The following CBLB variants were observed in gnomAD, a reference collection of about 807,000 sequenced individuals.
CBLB encodes the protein E3 ubiquitin-protein ligase CBL-B.
In CBLB, 31 loss-of-function variants were observed where a neutral mutation model predicts 104.9. The observed-to-expected ratio is 0.30, with a 90% CI of 0.22 to 0.40. The LOEUF is 0.40. Ranked by LOEUF, CBLB falls within the 10% of genes least tolerant of loss-of-function variation. The pLI, the probability that CBLB is intolerant of heterozygous loss-of-function variation, is 1.00. For missense variants in CBLB, 1,062 were observed against 1,214.6 expected (o/e 0.87, Z 1.87); for synonymous variants, 440 against 422.6 (o/e 1.04, Z -0.51).
At chr3:105,785,225 A>T (rs2080836259) in intron 3 of CBLB, among the ~76,000 whole-genome samples, 1 of 152,240 alleles carries the variant, frequency 6.6e-6, no homozygotes, top group Non-Finnish European at 1.5e-5. Context: ...AAATATTTTT[A>T]AACTATAAGG....
intron 3 of CBLB, among the ~76,000 whole-genome samples, chr3:105,783,748 G>A (rs2080589078): frequency 6.6e-6 from 1 of 152,158 alleles, no homozygotes; most frequent in Non-Finnish European, 1.5e-5. Flanking sequence ...CCAGGGTGAT[G>A]CAGTTCTGGC....
chr3:105,740,570 C>A lies in CBLB; in HGVS notation c.907G>T (p.Asp303Tyr). 1 of 1,613,896 alleles carries A rather than the reference C, an allele frequency of 6.2e-7. No individual in the cohort carries two copies. The highest frequency in any genetic ancestry group is 8.5e-7 in the Non-Finnish European group (1 of 1,179,830). ...GGTATGGTCTGTAAGATATTCCCAT[C>A]CCCAGTCACATAGCCAATGGCCCAC... ...GQWAIGYVTG[D>Y]GNILQTIPHN... Residue 303 changes from aspartate to tyrosine, a missense_variant, in exon 7 of 19, where the codon GAT (aspartate) becomes TAT (tyrosine). Coordinates refer to ENST00000394030, the MANE Select transcript of CBLB (RefSeq NM_170662.5).
intron 2 of CBLB, among the ~76,000 whole-genome samples, chr3:105,859,255 A>G (rs375510815): frequency 5.9e-5 from 9 of 152,364 alleles, no homozygotes; most frequent in African/African-American, 2.2e-4. Context: ...TGCCTATACT[A>G]TAAGACTTTC....
chr3:105,703,302 C>A (rs1443106), intron 11 of CBLB, among the ~76,000 whole-genome samples: 38,407 of 152,012 alleles, frequency 0.25, 5,087 homozygotes, highest in Non-Finnish European at 0.28. Flanking sequence ...ACAGGAAAAT[C>A]AAACACTACT....
At chr3:105,686,974 A>G (rs1055599654) in intron 13 of CBLB, among the ~76,000 whole-genome samples, 2 of 152,134 alleles carry the variant, frequency 1.3e-5, no homozygotes, top group Non-Finnish European at 2.9e-5. Context: ...AGTTAAGTAT[A>G]TGGGCTGCAA....
intron 3 of CBLB, among the ~76,000 whole-genome samples, chr3:105,812,783 A>G (rs2084486443): frequency 2.0e-5 from 3 of 152,180 alleles, no homozygotes; most frequent in Admixed American, 2.0e-4. Flanking sequence ...TCCTATTTCT[A>G]TATTAATTTT....
chr3:105,798,473 G>T (rs1560289132), intron 3 of CBLB, among the ~76,000 whole-genome samples: 1 of 152,162 alleles, frequency 6.6e-6, no homozygotes, highest in Non-Finnish European at 1.5e-5. Context: ...GATTAGAAAT[G>T]TTGGCACGTT....
intron 12 of CBLB, among the ~76,000 whole-genome samples, chr3:105,701,739 G>C (rs1335252975): frequency 6.7e-6 from 1 of 150,080 alleles, no homozygotes; most frequent in South Asian, 2.1e-4. Flanking sequence ...CTCCAGCCTG[G>C]GGGGCAAGAG....
At chr3:105,847,351 T>C (rs757513205) in intron 3 of CBLB, among the ~76,000 whole-genome samples, 1 of 151,542 alleles carries the variant, frequency 6.6e-6, no homozygotes, top group Non-Finnish European at 1.5e-5. Context: ...AATTTTTCTA[T>C]GTCAAATACT....
At chr3:105,743,474 A>G (rs971562174) in intron 6 of CBLB, among the ~76,000 whole-genome samples, 1 of 150,456 alleles carries the variant, frequency 6.6e-6, no homozygotes, top group Non-Finnish European at 1.5e-5. Flanking sequence ...AAAAAAAAAA[A>G]TTAAAAAAAA....
At chr3:105,827,866 T>C (rs954865007) in intron 3 of CBLB, among the ~76,000 whole-genome samples, 5 of 152,196 alleles carry the variant, frequency 3.3e-5, no homozygotes, top group African/African-American at 9.6e-5. Flanking sequence ...TTATTTCACA[T>C]GAAAATGCCT....
rs546025213 is a variant in CBLB at position 105,808,522 on chromosome 3, A to G, written c.420-31980T>C. Among the ~76,000 whole-genome samples the G allele has an allele frequency of 2.6e-5, 4 of 152,250 alleles. No individual in the cohort carries two copies. The South Asian group carries it at 6.2e-4, about 24-fold the overall frequency. On this transcript the variant is annotated intron_variant, in intron 3 of 18. Transcript: ENST00000394030. The stretch of plus-strand genomic sequence containing the variant: ...CTAAGCTGTCTTATGTCATTACACT[A>G]TATTTATCCAACTATATTCTTAAGT...
chr3:105,832,695 T>C (rs997667798), intron 3 of CBLB, among the ~76,000 whole-genome samples: 1 of 152,160 alleles, frequency 6.6e-6, no homozygotes, highest in African/African-American at 2.4e-5. Context: ...CATATAAAGG[T>C]CTAACAATGC....
At chr3:105,774,572 G>C (rs1474741772) in intron 4 of CBLB, among the ~76,000 whole-genome samples, 1 of 152,154 alleles carries the variant, frequency 6.6e-6, no homozygotes. Context: ...GGGAGGTAGG[G>C]AAAGTATCTA....
chr3:105,681,648 C>T, intron 15 of CBLB, 38 bp from the exon 16 acceptor site: 1 of 1,613,602 alleles, frequency 6.2e-7, no homozygotes, highest in Non-Finnish European at 8.5e-7. Flanking sequence ...ATTTTCAGTA[C>T]AATGGCATGA....
intron 14 of CBLB, among the ~76,000 whole-genome samples, chr3:105,684,146 T>A (rs1179142722): frequency 6.6e-6 from 1 of 152,196 alleles, no homozygotes; most frequent in East Asian, 1.9e-4. Context: ...ACTGAAGTAA[T>A]TGCCATCTCC....
chr3:105,678,219 C>T (rs1380908018), intron 17 of CBLB, among the ~76,000 whole-genome samples: 1 of 152,102 alleles, frequency 6.6e-6, no homozygotes, highest in East Asian at 1.9e-4. Context: ...ACTGTAGTTC[C>T]TTATTGCTCT....
chr3:105,701,706 T>A (rs995086548), intron 12 of CBLB, among the ~76,000 whole-genome samples: 3 of 149,198 alleles, frequency 2.0e-5, no homozygotes, highest in African/African-American at 7.5e-5. Flanking sequence ...GAGGTTGCAG[T>A]GAGCCGAGAT....
rs1469803752 is a variant in CBLB, at chr3:105,711,763, G to T, written c.1408-7590C>A. ...TTTTCTACTTCTTAATACAGAAACA[G>T]AATGTAGGCACCCTGCTACCTTCCT... is the stretch of plus-strand genomic sequence containing the variant. On this transcript the variant is annotated intron_variant, in intron 10 of 18. Transcript: ENST00000394030. Among the ~76,000 whole-genome samples the T allele has an allele frequency of 4.6e-5, 7 of 152,150 alleles. No individual in the cohort carries two copies. The South Asian group carries it at 6.2e-4, about 14-fold the overall frequency.
Sources: gnomAD v4.1 joint callset for allele counts (sites outside exome capture counted in the v4.1 genomes callset) on GRCh38, gnomAD v4.1.1 for gene constraint, MANE v1.5 for transcripts, NCBI Gene and HGNC (gene_info 2026-07-23, HGNC 2026-07-21) for gene names.